NXPE2: variants seen among roughly 807,000 people sequenced by gnomAD.
NXPE2 encodes the protein neurexophilin and PC-esterase domain family member 2, also known as NXPE family member 2.
Under a neutral mutation model 34.4 loss-of-function variants are expected in NXPE2, and 34 were observed. That is an observed-to-expected ratio of 0.99 (90% CI 0.75 to 1.31). The LOEUF (loss-of-function observed/expected upper bound fraction) is 1.31. NXPE2 is among the 40% of genes most tolerant of loss of function. NXPE2 has a pLI of 0.00. For missense variants in NXPE2, 649 were observed against 672.5 expected (o/e 0.97, Z 0.39); for synonymous variants, 235 against 231.3 (o/e 1.02, Z -0.15).
chr11:114,530,327 A>G, the NXPE2 span: 3 of 1,614,108 alleles, frequency 1.9e-6, no homozygotes, highest in East Asian at 2.2e-5. Context: ...AGAGTTCAGC[A>G]TTTGAGTTTA....
the NXPE2 span, among the ~76,000 whole-genome samples, chr11:114,464,608 T>G: frequency 1.3e-5 from 2 of 152,088 alleles, no homozygotes; most frequent in Admixed American, 1.3e-4. Flanking sequence ...AAATATACCA[T>G]TTACAATAGC....
the NXPE2 span, among the ~76,000 whole-genome samples, chr11:114,533,678 T>TACGC: frequency 6.6e-6 from 1 of 152,214 alleles, no homozygotes; most frequent in Non-Finnish European, 1.5e-5. Flanking sequence ...CCACGGAGCC[T>TACGC]TGCTCATTGC....
chr11:114,672,528 C>G, the NXPE2 span, among the ~76,000 whole-genome samples: 1 of 151,792 alleles, frequency 6.6e-6, no homozygotes, highest in Non-Finnish European at 1.5e-5. Flanking sequence ...GCAGAAATTG[C>G]CAGACTGGTT....
chr11:114,519,843 T>C, the NXPE2 span, among the ~76,000 whole-genome samples: 36,702 of 151,886 alleles, frequency 0.24, 6,602 homozygotes, highest in African/African-American at 0.5. Flanking sequence ...GTGAAATGAT[T>C]ACTGTAGTCA....
chr11:114,599,483 C>T, the NXPE2 span, among the ~76,000 whole-genome samples: 2 of 152,238 alleles, frequency 1.3e-5, no homozygotes, highest in South Asian at 2.1e-4. Flanking sequence ...GTTCCACTCC[C>T]CAGTGCTAAT....
the NXPE2 span, among the ~76,000 whole-genome samples, chr11:114,775,880 G>C: frequency 6.9e-6 from 1 of 144,156 alleles, no homozygotes; most frequent in Admixed American, 7.0e-5. Context: ...ACAAAAAAAC[G>C]AAAAAAAAAA....
the NXPE2 span, among the ~76,000 whole-genome samples, chr11:114,789,220 A>G: frequency 6.6e-6 from 1 of 152,220 alleles, no homozygotes; most frequent in South Asian, 2.1e-4. Flanking sequence ...GGTAATGCAT[A>G]TGTTAATTAG....
At chr11:114,725,972 A>ATATATATAT in the NXPE2 span, among the ~76,000 whole-genome samples, 107 of 14,256 alleles carry the variant, frequency 7.5e-3, 2 homozygotes, top group East Asian at 0.018. Context: ...TATAATAAAA[A>ATATATATAT]AAAAATATAT....
At chr11:114,637,299 TG>T in the NXPE2 span, among the ~76,000 whole-genome samples, 2 of 151,784 alleles carry the variant, frequency 1.3e-5, no homozygotes, top group Non-Finnish European at 2.9e-5. Flanking sequence ...TGCATTTTTT[TG>T]TTTTCCATTT....
chr11:114,810,336 C>T, the NXPE2 span, among the ~76,000 whole-genome samples: 2 of 147,252 alleles, frequency 1.4e-5, no homozygotes, highest in South Asian at 2.3e-4. Flanking sequence ...CCAAAATTGA[C>T]AAATGAGATC....
the NXPE2 span, among the ~76,000 whole-genome samples, chr11:114,811,921 G>C: frequency 6.6e-6 from 1 of 152,182 alleles, no homozygotes; most frequent in African/African-American, 2.4e-5. Flanking sequence ...GTGTACCTTA[G>C]AGAACTGCTG....
At chr11:114,671,583 A>T in the NXPE2 span, among the ~76,000 whole-genome samples, 2 of 152,040 alleles carry the variant, frequency 1.3e-5, no homozygotes, top group East Asian at 3.9e-4. Context: ...AATAAGACTA[A>T]CAACTGACTT....
chr11:114,629,411 G>T, the NXPE2 span, among the ~76,000 whole-genome samples: 5 of 146,910 alleles, frequency 3.4e-5, no homozygotes, highest in Non-Finnish European at 6.1e-5. Context: ...CAGAACCAAA[G>T]ACAAAAACCA....
At chr11:114,762,339 T>C in the NXPE2 span, among the ~76,000 whole-genome samples, 2 of 152,164 alleles carry the variant, frequency 1.3e-5, no homozygotes, top group South Asian at 4.1e-4. Flanking sequence ...GTTGTGTCTT[T>C]CACAGCCTGA....
At chr11:114,775,233 C>T in the NXPE2 span, among the ~76,000 whole-genome samples, 127,958 of 152,152 alleles carry the variant, frequency 0.84, 54,987 homozygotes, top group East Asian at 0.96. Context: ...AGATCTAGGC[C>T]GTACGCTTTT....
chr11:114,615,948 C>A, the NXPE2 span, among the ~76,000 whole-genome samples: 3 of 151,118 alleles, frequency 2.0e-5, no homozygotes, highest in African/African-American at 7.4e-5. Flanking sequence ...TATGGGTAAC[C>A]ACTGTTACCC....
chr11:114,632,694 A>T, the NXPE2 span, among the ~76,000 whole-genome samples: 3 of 70,240 alleles, frequency 4.3e-5, no homozygotes, highest in African/African-American at 1.8e-4. Context: ...ATAAATTTAT[A>T]TATTTATATA....
At chr11:114,756,386 GA>G in the NXPE2 span, among the ~76,000 whole-genome samples, 1 of 151,912 alleles carries the variant, frequency 6.6e-6, no homozygotes, top group East Asian at 1.9e-4. Context: ...AGGATCAAAT[GA>G]AAAAAGGTAA....
At chr11:114,558,210 G>A in the NXPE2 span, among the ~76,000 whole-genome samples, 4 of 151,984 alleles carry the variant, frequency 2.6e-5, no homozygotes, top group Non-Finnish European at 5.9e-5. Flanking sequence ...GTTTATGTGT[G>A]TGTGTATATA....
Sources: allele counts gnomAD v4.1 joint callset (sites outside exome capture counted in the v4.1 genomes callset), GRCh38; gene constraint gnomAD v4.1.1; transcripts MANE v1.5; gene names NCBI Gene and HGNC (gene_info 2026-07-23, HGNC 2026-07-21).